Variants in RNASE4 observed in about 807,000 individuals in gnomAD.
RNASE4 encodes ribonuclease 4.
For missense variants in RNASE4, 194 were observed against 192.8 expected (o/e 1.01, Z -0.04); for synonymous variants, 93 against 71.4 (o/e 1.30, Z -1.52).
At chr14:20,687,408 C>T (rs1418722086) in intron 1 of RNASE4, among the ~76,000 whole-genome samples, 4 of 152,208 alleles carry the variant, frequency 2.6e-5, no homozygotes, top group African/African-American at 9.7e-5. Flanking sequence ...TACTGCAGAA[C>T]TCTAAAATCA....
At chr14:20,687,888 A>G (rs1886497213) in intron 1 of RNASE4, among the ~76,000 whole-genome samples, 1 of 152,208 alleles carries the variant, frequency 6.6e-6, no homozygotes, top group South Asian at 2.1e-4. Context: ...AGGATTTTTA[A>G]AAAGATAACA....
chr14:20,693,957 T>C lies in RNASE4; in HGVS notation c.-17-5398T>C. The C allele has an allele frequency of 4.3e-6, 7 of 1,614,132 alleles. No individual in the cohort carries two copies. The highest frequency in any genetic ancestry group is 5.9e-6 in the Non-Finnish European group (7 of 1,180,024). On this transcript the variant is annotated intron_variant, in intron 1 of 1. Transcript: ENST00000555835. ...GGTTCAGAAACGTTGTTGTTGCTTGTGAAAATGGCTTACCTGTCCACTTGG... is the reference window on the plus strand; with the variant it reads ...GGTTCAGAAACGTTGTTGTTGCTTGCGAAAATGGCTTACCTGTCCACTTGG...
Position 20,700,762 on chromosome 14 carries a change from G to C in RNASE4, c.*947G>C, listed in dbSNP as rs1887266400. 1 of 162,418 alleles carries C rather than the reference G, an allele frequency of 6.2e-6. No homozygotes were observed. The highest frequency in any genetic ancestry group is 6.5e-5 in the Admixed American group (1 of 15,268). 10.1% of individuals were successfully genotyped at this position (162,418 alleles called of 1,614,324 possible). The stretch of plus-strand genomic sequence containing the variant: ...AGATTTGTCTCATTTACTCCAGAGA[G>C]AATGATTCCTCTCAAAGACAATTCT... On this transcript the variant is annotated 3_prime_UTR_variant, in exon 2 of 2. Coordinates refer to ENST00000555835, the MANE Select transcript of RNASE4 (RefSeq NM_002937.5).
In RNASE4 at chr14:20,688,807, A is replaced by G. The variant is rs931866091; in HGVS notation, c.-18+4049A>G. On this transcript the variant is annotated intron_variant, in intron 1 of 1. Coordinates refer to ENST00000555835, the MANE Select transcript of RNASE4 (RefSeq NM_002937.5). Reference sequence around the variant, plus strand: ...ACACAACTGGAACCCATCTCCAGGAACAAACAGCTGGAACCCATCTCCCGT... The same window carrying G: ...ACACAACTGGAACCCATCTCCAGGAGCAAACAGCTGGAACCCATCTCCCGT... 11 of 985,434 alleles carry G rather than the reference A, an allele frequency of 1.1e-5. No individual in the cohort carries two copies. The Admixed American group carries it at 6.8e-4, about 60-fold the overall frequency. The allele number at this position is 985,434 out of a possible 1,614,324, so 61.0% of individuals were successfully genotyped here.
At chr14:20,696,170 A>G (rs570068920) in intron 1 of RNASE4, among the ~76,000 whole-genome samples, 4 of 152,274 alleles carry the variant, frequency 2.6e-5, no homozygotes, top group South Asian at 2.1e-4. Flanking sequence ...GAAAACCCAC[A>G]TCTTCTCCAA....
At position 20,699,066 on chromosome 14, in the gene RNASE4, A is replaced by C. The variant is rs1887189796; in HGVS notation, c.-17-289A>C. ...CTCTCTTTTTATACTCTGTCCACAC[A>C]AACCTGGCAGCCACGCAGTCAGTCC... On this transcript the variant is annotated intron_variant, in intron 1 of 1. Coordinates refer to ENST00000555835, the MANE Select transcript of RNASE4 (RefSeq NM_002937.5). The C allele has an allele frequency of 1.1e-5, 3 of 283,242 alleles. No homozygotes were observed. The South Asian group carries it at 2.5e-4, about 24-fold the overall frequency. 17.5% of individuals were successfully genotyped at this position (283,242 alleles called of 1,614,324 possible). A position where few individuals can be genotyped will look rare whatever the true frequency, so the allele number is the denominator to read the frequency against.
intron 1 of RNASE4, among the ~76,000 whole-genome samples, chr14:20,690,120 CAGG>C (rs2139009567): frequency 7.1e-6 from 1 of 140,292 alleles, no homozygotes; most frequent in Non-Finnish European, 1.5e-5. Flanking sequence ...GAGGCTGAGG[CAGG>C]AGAATGGCGT....
chr14:20,692,786 G>A (rs933833127), intron 1 of RNASE4, among the ~76,000 whole-genome samples: 4 of 152,076 alleles, frequency 2.6e-5, no homozygotes, highest in Non-Finnish European at 5.9e-5. Context: ...TCAGTACATT[G>A]AAGCCCCCAT....
Position 20,699,466 on chromosome 14 carries a change from T to A in RNASE4, c.95T>A (p.Met32Lys). The A allele has an allele frequency of 6.2e-7, 1 of 1,614,074 alleles. No individual in the cohort carries two copies. Among genetic ancestry groups the A allele is most frequent in the Non-Finnish European group, 8.5e-7 (1 of 1,180,016 alleles). ...LVQPSYGQDG[M>K]YQRFLRQHVH... is the part of the protein sequence containing the mutation. ...CAGCCCTCCTATGGCCAGGATGGCA[T>A]GTACCAGCGATTCCTGCGGCAACAC... The change falls in exon 2 of 2, where the codon ATG becomes AAG. Residue 32 changes from methionine to lysine, a missense_variant. Coordinates refer to ENST00000555835, the MANE Select transcript of RNASE4 (RefSeq NM_002937.5).
At position 20,699,931 on chromosome 14, in the gene RNASE4, T is replaced by G. The variant is rs76529908; in HGVS notation, c.*116T>G. The G allele has an allele frequency of 9.0e-4, 747 of 826,400 alleles. 4 individuals carry two copies. The African/African-American group carries it at 0.011, about 12-fold the overall frequency. The allele number at this position is 826,400 out of a possible 1,614,324, so 51.2% of individuals were successfully genotyped here. ...TGTCTCCTCAGCTCATTTCCTACTC[T>G]TTTTCTCTATATAACTCATTCTATT... On this transcript the variant is annotated 3_prime_UTR_variant, in exon 2 of 2. Transcript: ENST00000555835.
At chr14:20,694,139 G>T in intron 1 of RNASE4, 1 of 960,366 alleles carries the variant, frequency 1.0e-6, no homozygotes, top group South Asian at 1.4e-5. Flanking sequence ...TTTGTTTTCT[G>T]TTTGACAACA....
chr14:20,685,793 G>A (rs1197367567), intron 1 of RNASE4, among the ~76,000 whole-genome samples: 2 of 152,102 alleles, frequency 1.3e-5, no homozygotes, highest in Non-Finnish European at 2.9e-5. Flanking sequence ...TGTAATCCCA[G>A]CACTTTGGGA....
intron 1 of RNASE4, among the ~76,000 whole-genome samples, chr14:20,688,280 T>C (rs1429945959): frequency 2.0e-5 from 3 of 152,310 alleles, no homozygotes; most frequent in Non-Finnish European, 4.4e-5. Context: ...TTCCTGGCTG[T>C]ATGAAATCGA....
chr14:20,691,646 T>A (rs1415995748), intron 1 of RNASE4, among the ~76,000 whole-genome samples: 1 of 152,222 alleles, frequency 6.6e-6, no homozygotes, highest in African/African-American at 2.4e-5. Flanking sequence ...CTCTCTCAAG[T>A]ATGGACAAAT....
rs559008080 is a variant in RNASE4, at chr14:20,699,970, C to A, written c.*155C>A. The A allele has an allele frequency of 7.5e-6, 5 of 667,578 alleles. No individual in the cohort carries two copies. The highest frequency in any genetic ancestry group is 5.5e-5 in the African/African-American group (3 of 54,990). The allele number at this position is 667,578 out of a possible 1,614,324, so 41.4% of individuals were successfully genotyped here. On this transcript the variant is annotated 3_prime_UTR_variant, in exon 2 of 2. Coordinates refer to ENST00000555835, the MANE Select transcript of RNASE4 (RefSeq NM_002937.5). ...ACTCATTCTATTAAATACATTGCAC[C>A]AAAGAGATATGGAGACATAAACCTG...
intron 1 of RNASE4, chr14:20,693,470 A>G: frequency 2.5e-6 from 4 of 1,576,438 alleles, no homozygotes; most frequent in Non-Finnish European, 2.6e-6. Flanking sequence ...CGTGTCAGAG[A>G]GCAAAGCTCC....
At chr14:20,699,021 T>C in intron 1 of RNASE4, 1 of 193,722 alleles carries the variant, frequency 5.2e-6, no homozygotes. Context: ...CAACTGCAGT[T>C]TCATGTAGGT....
chr14:20,693,514 T>C, intron 1 of RNASE4: 1 of 1,605,944 alleles, frequency 6.2e-7, no homozygotes, highest in Non-Finnish European at 8.5e-7. Flanking sequence ...ATGCTGTTCT[T>C]GGGTCTACCA....
At chr14:20,689,527 T>G (rs1886596847) in intron 1 of RNASE4, among the ~76,000 whole-genome samples, 2 of 152,338 alleles carry the variant, frequency 1.3e-5, no homozygotes, top group South Asian at 2.1e-4. Context: ...ATTTGATGAA[T>G]CTTTTGAATA....
Sources: allele counts gnomAD v4.1 joint callset (sites outside exome capture counted in the v4.1 genomes callset), GRCh38; gene constraint gnomAD v4.1.1; transcripts MANE v1.5; gene names NCBI Gene and HGNC (gene_info 2026-07-23, HGNC 2026-07-21).